The following CCDC7 variants were observed in gnomAD, a reference collection of about 807,000 sequenced individuals.
CCDC7 encodes coiled-coil domain containing 7.
In CCDC7, 183 loss-of-function variants were observed where a neutral mutation model predicts 196.9. That is an observed-to-expected ratio of 0.93 (90% CI 0.82 to 1.05). CCDC7 has a LOEUF of 1.05. CCDC7 is among the 50% of genes least tolerant of loss of function. The pLI, the probability that CCDC7 is intolerant of heterozygous loss-of-function variation, is 0.00. For synonymous variants in CCDC7, 525 were observed against 484.6 expected (o/e 1.08, Z -1.10); for missense variants, 1,540 against 1,482.2 (o/e 1.04, Z -0.64).
At chr10:32,814,734 A>G (rs1020643238) in intron 31 of CCDC7, among the ~76,000 whole-genome samples, 2 of 152,226 alleles carry the variant, frequency 1.3e-5, no homozygotes, top group African/African-American at 4.8e-5. Flanking sequence ...TAAAAATATC[A>G]GTCAAGTTTG....
At chr10:32,645,068 A>G (rs1429551153) in intron 20 of CCDC7, among the ~76,000 whole-genome samples, 3 of 152,256 alleles carry the variant, frequency 2.0e-5, no homozygotes, top group African/African-American at 7.2e-5. Flanking sequence ...AAAAGAAGAC[A>G]TACAAATGGC....
chr10:32,626,384 G>A (rs1359753592), intron 18 of CCDC7, among the ~76,000 whole-genome samples: 1 of 151,732 alleles, frequency 6.6e-6, no homozygotes, highest in African/African-American at 2.4e-5. Context: ...TGTACATTCA[G>A]TCCCATTACT....
At chr10:32,665,942 T>C (rs2072579186) in intron 21 of CCDC7, among the ~76,000 whole-genome samples, 1 of 152,006 alleles carries the variant, frequency 6.6e-6, no homozygotes, top group South Asian at 2.1e-4. Flanking sequence ...TCCTAGGAAC[T>C]TAATTTTTTG....
chr10:32,854,112 G>A (rs1362181580), intron 40 of CCDC7, among the ~76,000 whole-genome samples: 2 of 152,062 alleles, frequency 1.3e-5, no homozygotes, highest in Non-Finnish European at 2.9e-5. Context: ...ACTCCTTCTT[G>A]TAAGTAAGAA....
At chr10:32,648,058 A>G (rs537249147) in intron 20 of CCDC7, among the ~76,000 whole-genome samples, 4 of 152,322 alleles carry the variant, frequency 2.6e-5, no homozygotes, top group Non-Finnish European at 4.4e-5. Context: ...TTAGGCAGTT[A>G]TTCTAGCATC....
chr10:32,750,151 TC>T (rs1483025255), intron 28 of CCDC7, among the ~76,000 whole-genome samples: 1 of 152,196 alleles, frequency 6.6e-6, no homozygotes, highest in African/African-American at 2.4e-5. Flanking sequence ...TCTCTAAATA[TC>T]CTTTCTCATC....
chr10:32,731,345 C>G (rs189627216), intron 28 of CCDC7, among the ~76,000 whole-genome samples: 2 of 152,110 alleles, frequency 1.3e-5, no homozygotes, highest in Admixed American at 6.5e-5. Context: ...ATGTGTCTGT[C>G]TTTGTCTATT....
At chr10:32,691,705 G>T (rs1565158188) in intron 23 of CCDC7, among the ~76,000 whole-genome samples, 3 of 151,974 alleles carry the variant, frequency 2.0e-5, no homozygotes, top group Non-Finnish European at 4.4e-5. Context: ...GCAGATGAAG[G>T]CCCAAACATG....
intron 18 of CCDC7, among the ~76,000 whole-genome samples, chr10:32,587,933 A>T (rs2059442388): frequency 6.6e-6 from 1 of 152,184 alleles, no homozygotes; most frequent in African/African-American, 2.4e-5. Context: ...CCATTGTAGC[A>T]GTGTTGACAG....
At chr10:32,524,127 C>A (rs1158198843) in intron 11 of CCDC7, among the ~76,000 whole-genome samples, 1 of 138,360 alleles carries the variant, frequency 7.2e-6, no homozygotes, top group African/African-American at 2.7e-5. Context: ...TAATTTCTTG[C>A]TTTTTATTTT....
intron 28 of CCDC7, among the ~76,000 whole-genome samples, chr10:32,744,139 T>A (rs1248532998): frequency 4.8e-5 from 7 of 144,672 alleles, no homozygotes; most frequent in Admixed American, 6.8e-5. Context: ...AAGTATAATT[T>A]AAAAAAAAAG....
At chr10:32,482,122 A>G (rs2040072418) in intron 8 of CCDC7, among the ~76,000 whole-genome samples, 1 of 151,480 alleles carries the variant, frequency 6.6e-6, no homozygotes, top group Admixed American at 6.6e-5. Flanking sequence ...TTTAATTCCT[A>G]TAATGTAAAT....
chr10:32,591,310 G>A (rs2059760383), intron 18 of CCDC7, among the ~76,000 whole-genome samples: 1 of 151,418 alleles, frequency 6.6e-6, no homozygotes, highest in Admixed American at 6.6e-5. Flanking sequence ...GATCAGTTCT[G>A]CTATTAAGGA....
chr10:32,817,157 T>C (rs1395413563), intron 31 of CCDC7, among the ~76,000 whole-genome samples: 1 of 152,072 alleles, frequency 6.6e-6, no homozygotes, highest in Non-Finnish European at 1.5e-5. Context: ...CTGATGGAGC[T>C]GAAAACCATG....
In CCDC7 at chr10:32,845,495, G is replaced by C. The variant is rs148652276; in HGVS notation, c.3437-48G>C. On this transcript the variant is annotated intron_variant, in intron 34 of 41. Coordinates refer to ENST00000639629, the Ensembl canonical transcript of CCDC7. ...AAACACAAAAACACACACAAGTATGGTAATGATAATCTTACAAAATATACT... is the reference window on the plus strand; with the variant it reads ...AAACACAAAAACACACACAAGTATGCTAATGATAATCTTACAAAATATACT... The C allele has an allele frequency of 4.3e-4, 629 of 1,455,964 alleles. 5 individuals carry two copies. In the East Asian group the frequency reaches 0.013, roughly 29 times the overall value. The allele number at this position is 1,455,964 out of a possible 1,614,324, so 90.2% of individuals were successfully genotyped here.
chr10:32,714,722 G>A (rs1218622593), intron 25 of CCDC7, among the ~76,000 whole-genome samples: 10 of 152,190 alleles, frequency 6.6e-5, no homozygotes, highest in Non-Finnish European at 1.3e-4. Context: ...GAGGGGTGTC[G>A]CCATTACTGA....
chr10:32,784,295 G>A (rs1177193077), intron 29 of CCDC7, among the ~76,000 whole-genome samples: 3 of 121,544 alleles, frequency 2.5e-5, no homozygotes, highest in African/African-American at 8.8e-5. Flanking sequence ...GTGTGTTATG[G>A]TGGTTTGCTG....
At chr10:32,576,832 A>G (rs551833518) in intron 16 of CCDC7, among the ~76,000 whole-genome samples, 2 of 152,072 alleles carry the variant, frequency 1.3e-5, no homozygotes, top group Non-Finnish European at 2.9e-5. Context: ...TGTCTTTTGA[A>G]TAAATTCCTT....
upstream of CCDC7, among the ~76,000 whole-genome samples, chr10:32,447,009 A>G (rs1406396988): frequency 2.0e-5 from 3 of 147,334 alleles, no homozygotes; most frequent in African/African-American, 2.5e-5. Context: ...ACACAATGCA[A>G]TCCATAACAG....
Sources: allele counts gnomAD v4.1 joint callset (sites outside exome capture counted in the v4.1 genomes callset), GRCh38; gene constraint gnomAD v4.1.1; transcripts MANE v1.5; gene names NCBI Gene and HGNC (gene_info 2026-07-23, HGNC 2026-07-21).